Variants in VOPP1 observed in about 807,000 individuals in gnomAD.
The protein encoded by VOPP1 is VOPP1 WW domain binding protein.
Under a neutral mutation model 23.5 loss-of-function variants are expected in VOPP1, and 8 were observed. The ratio of observed to expected loss-of-function variants is 0.34; its 90% CI spans 0.20 to 0.61. The LOEUF is 0.61. VOPP1 is among the 20% of genes least tolerant of loss of function. The pLI is 0.78. For synonymous variants in VOPP1, 83 were observed against 97.3 expected, an observed-to-expected ratio of 0.85 and a Z score of 0.86; for missense variants, 174 against 238.1, an observed-to-expected ratio of 0.73 and a Z score of 1.77.
chr7:55,453,598 T>C (rs756419646), intron 4 of VOPP1, among the ~76,000 whole-genome samples: 2 of 152,224 alleles, frequency 1.3e-5, no homozygotes, highest in Non-Finnish European at 2.9e-5. Context: ...ATTGATTAAG[T>C]ACACCATCTT....
chr7:55,455,177 A>T (rs1172647538), intron 4 of VOPP1, among the ~76,000 whole-genome samples: 1 of 152,262 alleles, frequency 6.6e-6, no homozygotes, highest in Admixed American at 6.5e-5. Flanking sequence ...ACAAACAGAG[A>T]GCCATATCAT....
chr7:55,445,268 T>G (rs28579872), intron 4 of VOPP1, among the ~76,000 whole-genome samples: 2 of 126,062 alleles, frequency 1.6e-5, no homozygotes, highest in Non-Finnish European at 3.6e-5. Context: ...CACACAGACA[T>G]ACACACACAG....
intron 2 of VOPP1, among the ~76,000 whole-genome samples, chr7:55,512,029 T>C (rs755136440): frequency 2.0e-5 from 3 of 152,178 alleles, no homozygotes; most frequent in African/African-American, 7.2e-5. Flanking sequence ...ACTACCTGTA[T>C]AAATGAATGA....
At chr7:55,474,101 C>T (rs559182289) in intron 4 of VOPP1, among the ~76,000 whole-genome samples, 1 of 152,342 alleles carries the variant, frequency 6.6e-6, no homozygotes, top group East Asian at 1.9e-4. Flanking sequence ...TCACTGAGCG[C>T]TCTCAACTGC....
intron 1 of VOPP1, among the ~76,000 whole-genome samples, chr7:55,564,545 C>T (rs1457487172): frequency 1.3e-5 from 2 of 152,120 alleles, no homozygotes; most frequent in Non-Finnish European, 2.9e-5. Flanking sequence ...AATTAAGAGC[C>T]AACTATGATC....
At chr7:55,551,370 T>G (rs571743915) in intron 1 of VOPP1, among the ~76,000 whole-genome samples, 2 of 152,332 alleles carry the variant, frequency 1.3e-5, no homozygotes, top group East Asian at 3.9e-4. Context: ...CGTACACCTG[T>G]GCTGGCAAAT....
intron 2 of VOPP1, among the ~76,000 whole-genome samples, chr7:55,498,376 C>A (rs1274171007): frequency 6.6e-6 from 1 of 152,226 alleles, no homozygotes; most frequent in Non-Finnish European, 1.5e-5. Flanking sequence ...GGGCCCCTGG[C>A]AGGCCACAGC....
At chr7:55,502,372 G>T (rs1016090803) in intron 2 of VOPP1, among the ~76,000 whole-genome samples, 3 of 152,244 alleles carry the variant, frequency 2.0e-5, no homozygotes, top group African/African-American at 7.2e-5. Flanking sequence ...AATACACGCT[G>T]TCAACTGATT....
intron 4 of VOPP1, among the ~76,000 whole-genome samples, chr7:55,449,253 G>A (rs368306526): frequency 1.3e-5 from 2 of 152,208 alleles, no homozygotes; most frequent in South Asian, 4.1e-4. Context: ...CGCGGCACAG[G>A]GGACGGCCGG....
At position 55,497,799 on chromosome 7, in the gene VOPP1, G is replaced by T; in HGVS notation, c.114-109C>A. 2 of 921,648 alleles carry T rather than the reference G, an allele frequency of 2.2e-6. 1 individual carries two copies. Among genetic ancestry groups the T allele is most frequent in the South Asian group, 2.9e-5 (2 of 69,668 alleles). The allele number at this position is 921,648 out of a possible 1,614,324, so 57.1% of individuals were successfully genotyped here. ...TAATCATTCTTGAAGGAAGAAATCA[G>T]TAAGAGCAAAAAGGACAGAACTGCC... On this transcript the variant is annotated intron_variant, in intron 2 of 4. Coordinates refer to ENST00000285279, the MANE Select transcript of VOPP1 (RefSeq NM_030796.5).
intron 2 of VOPP1, among the ~76,000 whole-genome samples, chr7:55,499,977 G>A (rs116979798): frequency 0.011 from 1,665 of 152,294 alleles, 11 homozygotes; most frequent in Middle Eastern, 0.021. Context: ...GAGCAGTCGA[G>A]GGAGATGAAG....
intron 1 of VOPP1, among the ~76,000 whole-genome samples, chr7:55,552,021 CAAAAAAAAAA>C (rs202229227): frequency 2.9e-4 from 16 of 55,806 alleles, no homozygotes; most frequent in Admixed American, 1.9e-3. Flanking sequence ...AGACTGTGTC[CAAAAAAAAAA>C]AAAAAAAAAA....
At chr7:55,567,310 T>C (rs1562636458) in intron 1 of VOPP1, among the ~76,000 whole-genome samples, 1 of 152,358 alleles carries the variant, frequency 6.6e-6, no homozygotes, top group East Asian at 1.9e-4. Flanking sequence ...AAGTAAATTC[T>C]GTCATATTTT....
intron 1 of VOPP1, among the ~76,000 whole-genome samples, chr7:55,544,701 C>CGCAGAGTTGGTGGAGA (rs557876350): frequency 3.8e-4 from 58 of 152,232 alleles, no homozygotes; most frequent in African/African-American, 1.3e-3. Flanking sequence ...TGAAGGCTTC[C>CGCAGAGTTGGTGGAGA]GCAGAGTTGG....
At chr7:55,537,392 C>T (rs2129049285) in intron 1 of VOPP1, 3 of 1,439,002 alleles carry the variant, frequency 2.1e-6, no homozygotes, top group Non-Finnish European at 2.8e-6. Flanking sequence ...CGTGCTCCAG[C>T]CTTCTGGAGG....
At chr7:55,495,950 T>C (rs1156591969) in intron 3 of VOPP1, among the ~76,000 whole-genome samples, 1 of 152,202 alleles carries the variant, frequency 6.6e-6, no homozygotes, top group African/African-American at 2.4e-5. Flanking sequence ...CTTCTCCAAA[T>C]GGGGCCCACC....
intron 1 of VOPP1, among the ~76,000 whole-genome samples, chr7:55,556,832 C>T (rs1181758921): frequency 6.6e-6 from 1 of 152,194 alleles, no homozygotes; most frequent in Non-Finnish European, 1.5e-5. Context: ...TGTAGATTAA[C>T]TCCCCCTTCA....
At chr7:55,518,265 C>T (rs990248950) in intron 2 of VOPP1, among the ~76,000 whole-genome samples, 2 of 152,140 alleles carry the variant, frequency 1.3e-5, no homozygotes, top group South Asian at 2.1e-4. Context: ...AGGTGGGGAC[C>T]GCACATGCAG....
intron 1 of VOPP1, among the ~76,000 whole-genome samples, 175 bp downstream of exon 1, chr7:55,572,096 G>A (rs1414803540): frequency 6.6e-6 from 1 of 151,622 alleles, no homozygotes; most frequent in East Asian, 2.0e-4. Flanking sequence ...GAGCCTCCCC[G>A]TCACCAGGGT....
Sources: allele counts gnomAD v4.1 joint callset (sites outside exome capture counted in the v4.1 genomes callset), GRCh38; gene constraint gnomAD v4.1.1; transcripts MANE v1.5; gene names NCBI Gene and HGNC (gene_info 2026-07-23, HGNC 2026-07-21).